Variants in DNAJB6 observed in about 807,000 individuals in gnomAD.
DNAJB6 encodes DnaJ heat shock protein family (Hsp40) member B6.
A neutral mutation model predicts 42.7 loss-of-function variants in DNAJB6; 16 were observed. The observed-to-expected ratio is 0.37, with a 90% CI of 0.25 to 0.57. The LOEUF is 0.57. Among genes scored for constraint, DNAJB6 ranks in the 20% least tolerant of loss-of-function variants. The probability of loss-of-function intolerance (pLI) is 0.74; values close to 1 mark genes in which losing one functional copy is unlikely to be tolerated. For missense variants in DNAJB6, 347 were observed against 416.8 expected, an observed-to-expected ratio of 0.83 and a Z score of 1.46; for synonymous variants, 170 against 163.5, an observed-to-expected ratio of 1.04 and a Z score of -0.30.
At chr7:157,395,854 C>T (rs1020544102) in intron 8 of DNAJB6, among the ~76,000 whole-genome samples, 1 of 151,666 alleles carries the variant, frequency 6.6e-6, no homozygotes, top group East Asian at 1.9e-4. Flanking sequence ...CAGAGTTTCA[C>T]TCTGTTGGCC....
Position 157,369,802 on chromosome 7 carries a change from C to T in DNAJB6, c.346+2319C>T, listed in dbSNP as rs192230393. Among the ~76,000 whole-genome samples the T allele has an allele frequency of 4.7e-5, 7 of 149,576 alleles. 1 individual carries two copies. Among genetic ancestry groups the T allele is most frequent in the African/African-American group, 1.5e-4 (6 of 40,452 alleles). ...TTCATAACATTATTATTAAACGAGCCCCTTCTTAACATCATTATTAAACAG... is the reference window on the plus strand; with the variant it reads ...TTCATAACATTATTATTAAACGAGCTCCTTCTTAACATCATTATTAAACAG... On this transcript the variant is annotated intron_variant, in intron 5 of 9. Transcript: ENST00000262177.
intron 8 of DNAJB6, among the ~76,000 whole-genome samples, chr7:157,387,701 A>G (rs1426558791): frequency 6.6e-6 from 1 of 152,248 alleles, no homozygotes; most frequent in Admixed American, 6.5e-5. Flanking sequence ...TGTTTCATGC[A>G]ACTCTAGCTG....
At chr7:157,389,283 T>G (rs969452680) in intron 8 of DNAJB6, among the ~76,000 whole-genome samples, 2 of 152,252 alleles carry the variant, frequency 1.3e-5, no homozygotes, top group Admixed American at 1.3e-4. Context: ...TAGAATGAAT[T>G]AGAAACATTT....
At chr7:157,406,901 C>T (rs925214133) in intron 8 of DNAJB6, among the ~76,000 whole-genome samples, 8 of 152,236 alleles carry the variant, frequency 5.3e-5, no homozygotes, top group Non-Finnish European at 8.8e-5. Flanking sequence ...GAAGGCAGCG[C>T]GTTTCTCTTC....
chr7:157,358,758 C>A, intron 2 of DNAJB6, 121 bp downstream of exon 2: 1 of 748,564 alleles, frequency 1.3e-6, no homozygotes, highest in South Asian at 1.6e-5. Context: ...TCTTTGAATG[C>A]CACATAGTTT....
chr7:157,367,518 C>A, intron 5 of DNAJB6, 35 bp downstream of exon 5: 1 of 1,275,484 alleles, frequency 7.8e-7, no homozygotes, highest in South Asian at 1.2e-5. Flanking sequence ...TGGTGTGTGT[C>A]CATGACCCAA....
Position 157,385,585 on chromosome 7 carries a change from G to A in DNAJB6, c.665G>A (p.Gly222Asp). The change falls in exon 8 of 10, where the codon GGC becomes GAC. Residue 222 changes from glycine to aspartate, a missense_variant. This residue lies in a region of DNAJB6 where 264 missense variants were observed against 288.0 expected (regional missense o/e 0.92). Coordinates refer to ENST00000262177, the MANE Select transcript of DNAJB6 (RefSeq NM_058246.4). ...GAAAGAGTAGAAGTTGAAGAAGATG[G>A]CCAGTTAAAGTCCTTAACAATAAAT... Reference protein sequence around the residue: ...GQERVEVEEDGQLKSLTINGV... With the variant: ...GQERVEVEEDDQLKSLTINGV... 1 of 1,613,914 alleles carries A rather than the reference G, an allele frequency of 6.2e-7. No individual in the cohort carries two copies. The highest frequency in any genetic ancestry group is 8.5e-7 in the Non-Finnish European group (1 of 1,179,850).
intron 8 of DNAJB6, among the ~76,000 whole-genome samples, chr7:157,404,667 C>T (rs1184100462): frequency 1.3e-5 from 2 of 151,996 alleles, no homozygotes; most frequent in African/African-American, 4.8e-5. Flanking sequence ...CACGCCACCA[C>T]ACCCGACTAA....
At position 157,367,385 on chromosome 7, in the gene DNAJB6, T is replaced by C. The variant is rs760970652; in HGVS notation, c.248T>C (p.Phe83Ser). The change falls in exon 5 of 10, where the codon TTT becomes TCT. Residue 83 changes from phenylalanine to serine, a missense_variant. Coordinates refer to ENST00000262177, the MANE Select transcript of DNAJB6 (RefSeq NM_058246.4). ...TGTATTTGTGCAGGTGGAAGTCATT[T>C]TGACAGTCCATTTGAATTTGGCTTC... ...LNGGGGGGSHFDSPFEFGFTF... is the reference protein window; with the variant it reads ...LNGGGGGGSHSDSPFEFGFTF... 3 of 1,610,506 alleles carry C rather than the reference T, an allele frequency of 1.9e-6. No homozygotes were observed. The highest frequency in any genetic ancestry group is 2.7e-5 in the African/African-American group (2 of 74,860).
intron 5 of DNAJB6, among the ~76,000 whole-genome samples, chr7:157,374,529 G>C (rs1291729195): frequency 6.6e-6 from 1 of 152,164 alleles, no homozygotes; most frequent in Non-Finnish European, 1.5e-5. Context: ...AGAGTGCTGG[G>C]ATTACAGGCA....
intron 5 of DNAJB6, chr7:157,381,409 C>G (rs1800761825): frequency 1.3e-5 from 2 of 152,012 alleles, no homozygotes; most frequent in Admixed American, 1.3e-4. Context: ...AACGCAGAAC[C>G]CAGGTAAATT....
chr7:157,382,316 G>T lies in DNAJB6; in HGVS notation c.417G>T (p.Ser139=), dbSNP rs143051731. Residue 139 remains serine (S), a synonymous_variant, in exon 6 of 10, where the codon TCG becomes TCT. Coordinates refer to ENST00000262177, the MANE Select transcript of DNAJB6 (RefSeq NM_058246.4). ...PRGSRSRGTG[S]FFSAFSGFPS... ...GAAGCAGAAGCCGAGGGACGGGGTC[G>T]TTTTTCTCTGCGTTCAGTGGATTTC... 1 of 1,612,040 alleles carries T rather than the reference G, an allele frequency of 6.2e-7. No homozygotes were observed. The highest frequency in any genetic ancestry group is 8.5e-7 in the Non-Finnish European group (1 of 1,179,744).
At chr7:157,360,573 G>GT (rs534273108) in intron 2 of DNAJB6, among the ~76,000 whole-genome samples, 9 of 152,202 alleles carry the variant, frequency 5.9e-5, no homozygotes, top group Non-Finnish European at 1.3e-4. Flanking sequence ...TCTCTAGCAT[G>GT]ACGTTGAAGT....
chr7:157,364,773 G>A (rs139492135), intron 3 of DNAJB6, among the ~76,000 whole-genome samples: 2 of 152,322 alleles, frequency 1.3e-5, no homozygotes, highest in Non-Finnish European at 2.9e-5. Flanking sequence ...AAGTCGCTTG[G>A]TTCTTTTGGG....
chr7:157,398,043 A>G (rs529248298), intron 8 of DNAJB6, among the ~76,000 whole-genome samples: 1 of 152,316 alleles, frequency 6.6e-6, no homozygotes, highest in South Asian at 2.1e-4. Context: ...CAGCCTTCGT[A>G]CCTGCTCTGC....
intron 6 of DNAJB6, among the ~76,000 whole-genome samples, chr7:157,383,603 ATGTG>A (rs760175043): frequency 6.4e-5 from 6 of 93,888 alleles, no homozygotes; most frequent in South Asian, 3.3e-4. Context: ...TGGCTCCTGT[ATGTG>A]TGTTTGTGTG....
intron 8 of DNAJB6, among the ~76,000 whole-genome samples, chr7:157,391,175 G>A (rs1801322557): frequency 6.6e-6 from 1 of 152,214 alleles, no homozygotes; most frequent in Non-Finnish European, 1.5e-5. Flanking sequence ...TTGCTGGTAG[G>A]AACAGCAGTT....
intron 8 of DNAJB6, among the ~76,000 whole-genome samples, chr7:157,396,241 G>A (rs1159178924): frequency 6.6e-6 from 1 of 152,154 alleles, no homozygotes; most frequent in Non-Finnish European, 1.5e-5. Context: ...GAGCCACTGT[G>A]CCTGGCCCCA....
At chr7:157,356,976 T>G (rs973534063) in intron 1 of DNAJB6, among the ~76,000 whole-genome samples, 2 of 151,684 alleles carry the variant, frequency 1.3e-5, no homozygotes, top group African/African-American at 4.9e-5. Flanking sequence ...TAGTTTTTTG[T>G]TTTTTTGATG....
Sources: gnomAD v4.1 joint callset for allele counts (sites outside exome capture counted in the v4.1 genomes callset) on GRCh38, gnomAD v4.1.1 for gene constraint, gnomAD v4.1.1 regional missense constraint, MANE v1.5 for transcripts, NCBI Gene and HGNC (gene_info 2026-07-23, HGNC 2026-07-21) for gene names.